The following MCC variants were observed in gnomAD, a reference collection of about 807,000 sequenced individuals.
MCC encodes the protein MCC regulator of Wnt signaling pathway.
In MCC, 90 loss-of-function variants were observed where a neutral mutation model predicts 116.2. The observed-to-expected ratio is 0.77, with a 90% CI of 0.65 to 0.92. MCC has a LOEUF of 0.92. MCC is among the 40% of genes least tolerant of loss of function. The pLI is 0.00. For missense variants in MCC, 1,516 were observed against 1,312.2 expected (o/e 1.16, Z -2.40); for synonymous variants, 578 against 510.5 (o/e 1.13, Z -1.78).
chr5:113,289,725 T>C (rs1270363272), intron 3 of MCC, among the ~76,000 whole-genome samples: 2 of 152,224 alleles, frequency 1.3e-5, no homozygotes, highest in South Asian at 4.1e-4. Context: ...ATCTTGGAAG[T>C]AGATCCTCTT....
At chr5:113,234,934 A>T (rs1372416069) in intron 3 of MCC, among the ~76,000 whole-genome samples, 1 of 152,234 alleles carries the variant, frequency 6.6e-6, no homozygotes, top group Non-Finnish European at 1.5e-5. Flanking sequence ...GCTTGATCCA[A>T]TTAGGATTCT....
At chr5:113,430,485 T>C (rs968868232) in intron 1 of MCC, among the ~76,000 whole-genome samples, 3 of 152,138 alleles carry the variant, frequency 2.0e-5, no homozygotes, top group Non-Finnish European at 4.4e-5. Context: ...GGTAGAAACA[T>C]AAGTAAAATT....
At chr5:113,179,445 C>T (rs1049384883) in intron 3 of MCC, among the ~76,000 whole-genome samples, 1 of 152,202 alleles carries the variant, frequency 6.6e-6, no homozygotes, top group African/African-American at 2.4e-5. Context: ...TCTGAAGTGA[C>T]TGGCTCTGCT....
At chr5:113,274,853 C>G (rs919740934) in intron 3 of MCC, among the ~76,000 whole-genome samples, 3 of 152,162 alleles carry the variant, frequency 2.0e-5, no homozygotes, top group Non-Finnish European at 4.4e-5. Context: ...TTCATAAATA[C>G]TCATTTCTGA....
At chr5:113,428,963 T>C (rs1361569526) in intron 1 of MCC, among the ~76,000 whole-genome samples, 8 of 152,242 alleles carry the variant, frequency 5.3e-5, no homozygotes, top group Admixed American at 4.6e-4. Context: ...GTCTAGCTAA[T>C]AACCTAGACC....
At chr5:113,194,502 A>G (rs757062166) in intron 3 of MCC, among the ~76,000 whole-genome samples, 25 of 152,118 alleles carry the variant, frequency 1.6e-4, no homozygotes, top group Non-Finnish European at 3.5e-4. Flanking sequence ...CTGTCTGTAC[A>G]AAAAAATAAA....
intron 3 of MCC, among the ~76,000 whole-genome samples, chr5:113,211,884 T>C (rs1204519654): frequency 2.0e-5 from 3 of 152,252 alleles, no homozygotes; most frequent in Non-Finnish European, 4.4e-5. Context: ...ATTGGAGTAG[T>C]TATGTGTGAC....
chr5:113,275,841 G>A (rs1013574404), intron 3 of MCC, among the ~76,000 whole-genome samples: 4 of 152,030 alleles, frequency 2.6e-5, no homozygotes, highest in South Asian at 2.1e-4. Flanking sequence ...TTGGTGTAGC[G>A]GGAGGTCCTG....
chr5:113,156,648 T>C (rs1412503200), intron 3 of MCC, among the ~76,000 whole-genome samples: 3 of 152,118 alleles, frequency 2.0e-5, no homozygotes, highest in African/African-American at 7.2e-5. Flanking sequence ...CTAAACGAGG[T>C]TGGATAGAAC....
chr5:113,220,074 T>TTTTTTTTTTTA (rs1186412878), intron 3 of MCC, among the ~76,000 whole-genome samples: 1 of 72,056 alleles, frequency 1.4e-5, no homozygotes. Flanking sequence ...TTTTTTTTTT[T>TTTTTTTTTTTA]TGAGACGGAG....
At chr5:113,253,451 C>T (rs1016649184) in intron 3 of MCC, among the ~76,000 whole-genome samples, 8 of 152,098 alleles carry the variant, frequency 5.3e-5, no homozygotes, top group African/African-American at 1.7e-4. Flanking sequence ...GTGGGAACCT[C>T]TCCCCATCCT....
At chr5:113,243,217 T>C (rs926397029) in intron 3 of MCC, among the ~76,000 whole-genome samples, 3 of 152,178 alleles carry the variant, frequency 2.0e-5, no homozygotes, top group African/African-American at 7.2e-5. Flanking sequence ...TGTACTGGCA[T>C]GATCTAGAAG....
At chr5:113,459,296 G>A (rs773091762) in intron 1 of MCC, among the ~76,000 whole-genome samples, 2 of 151,908 alleles carry the variant, frequency 1.3e-5, no homozygotes, top group Non-Finnish European at 2.9e-5. Context: ...CACTTTGGGA[G>A]GGAGGCCGAG....
chr5:113,347,589 A>C (rs181615685), intron 2 of MCC, among the ~76,000 whole-genome samples: 159 of 152,302 alleles, frequency 1.0e-3, no homozygotes, highest in African/African-American at 3.7e-3. Flanking sequence ...CAAAAAATAA[A>C]AAGCAAGAAA....
At chr5:113,040,718 A>G (rs1201119184) in intron 17 of MCC, among the ~76,000 whole-genome samples, 2 of 152,182 alleles carry the variant, frequency 1.3e-5, no homozygotes, top group African/African-American at 4.8e-5. Context: ...TTACAGTATC[A>G]TTATGTTATT....
rs1753743653 is a variant in MCC at position 113,068,026 on chromosome 5, A to G, written c.2029+54T>C. ...ATGCCAGTTGCTGAGACAGGGGCAG[A>G]AGCAAAGGAGGCAGGGAGACAAGAG... is the stretch of plus-strand genomic sequence containing the variant. On this transcript the variant is annotated intron_variant, in intron 13 of 18. Transcript: ENST00000408903. 6.1e-6 allele frequency: 9 copies of G among 1,475,494 alleles called. No individual in the cohort carries two copies. In the South Asian group the frequency reaches 9.1e-5, roughly 15 times the overall value. The allele number at this position is 1,475,494 out of a possible 1,614,324, so 91.4% of individuals were successfully genotyped here. A position where few individuals can be genotyped will look rare whatever the true frequency, so the allele number is the denominator to read the frequency against.
intron 5 of MCC, among the ~76,000 whole-genome samples, chr5:113,135,181 G>A (rs531588363): frequency 6.0e-5 from 9 of 150,678 alleles, no homozygotes; most frequent in South Asian, 2.1e-4. Context: ...CTTATGATCC[G>A]CCCACCTCGG....
chr5:113,172,971 T>A (rs1247346180), intron 3 of MCC, among the ~76,000 whole-genome samples: 1 of 152,202 alleles, frequency 6.6e-6, no homozygotes, highest in East Asian at 1.9e-4. Context: ...CACATGAATT[T>A]GTTTTTTAAT....
chr5:113,135,676 T>C (rs1758775126), intron 5 of MCC, among the ~76,000 whole-genome samples: 1 of 152,118 alleles, frequency 6.6e-6, no homozygotes, highest in African/African-American at 2.4e-5. Context: ...ATATAAATGC[T>C]ATTAAAACCC....
Sources: gnomAD v4.1 joint callset for allele counts (sites outside exome capture counted in the v4.1 genomes callset) on GRCh38, gnomAD v4.1.1 for gene constraint, MANE v1.5 for transcripts, NCBI Gene and HGNC (gene_info 2026-07-23, HGNC 2026-07-21) for gene names.